Variants in IL31RA observed in about 807,000 individuals in gnomAD.
The protein encoded by IL31RA is interleukin 31 receptor A.
In IL31RA, 66 loss-of-function variants were observed where a neutral mutation model predicts 83.7. The ratio of observed to expected loss-of-function variants is 0.79; its 90% CI spans 0.65 to 0.97. The LOEUF is 0.97. IL31RA is among the 50% of genes least tolerant of loss of function. The pLI is 0.00. For missense variants in IL31RA, 798 were observed against 919.4 expected (o/e 0.87, Z 1.71); for synonymous variants, 325 against 329.0 (o/e 0.99, Z 0.13).
At chr5:55,847,250 A>C (rs1744954603), upstream of IL31RA, among the ~76,000 whole-genome samples, 1 of 89,186 alleles carries the variant, frequency 1.1e-5, no homozygotes, top group African/African-American at 3.3e-5. Flanking sequence ...AATAAAAATA[A>C]ATAAATAAAT....
At chr5:55,891,267 C>T (rs1747971702) in intron 6 of IL31RA, among the ~76,000 whole-genome samples, 1 of 152,204 alleles carries the variant, frequency 6.6e-6, no homozygotes, top group South Asian at 2.1e-4. Flanking sequence ...GAGCCTTGCC[C>T]AGAGTCTGAC....
In IL31RA at chr5:55,917,068, G is replaced by C; in HGVS notation, c.2243G>C (p.Arg748Thr). 6.2e-7 allele frequency: 1 copy of C among 1,614,216 alleles called. No individual in the cohort carries two copies. Among genetic ancestry groups the C allele is most frequent in the Non-Finnish European group, 8.5e-7 (1 of 1,180,050 alleles). The change falls in exon 15 of 15, where the codon AGG becomes ACG. Residue 748 changes from arginine to threonine, a missense_variant. By Grantham distance (71) the Arg-to-Thr change is moderately conservative. Coordinates refer to ENST00000652347, the MANE Select transcript of IL31RA (RefSeq NM_139017.7). ...TATTTGAAAAATTCAGTGACAGCCA[G>C]GGAATTTCTTGTGTCTGAAAAACTT... The part of the protein sequence containing the change: ...NPYLKNSVTA[R>T]EFLVSEKLPE...
chr5:55,895,015 C>T (rs1417576432), intron 6 of IL31RA, among the ~76,000 whole-genome samples: 1 of 152,212 alleles, frequency 6.6e-6, no homozygotes, highest in Non-Finnish European at 1.5e-5. Context: ...CCGTGCCCAG[C>T]CAGTAATTTT....
chr5:55,900,063 A>C lies in IL31RA; in HGVS notation c.1000A>C (p.Met334Leu), dbSNP rs558939244. ...GGGAGGCGAGAGCTTTTGGGTGTCT[A>C]TGATTTCTTATAATTCTCTTGGGAA... Reference protein sequence around the residue: ...HLGGESFWVSMISYNSLGKSP... With the variant: ...HLGGESFWVSLISYNSLGKSP... Residue 334 changes from methionine (M) to leucine (L), a missense_variant, in exon 8 of 15, where the codon ATG becomes CTG. Met to Leu is a conservative substitution (Grantham distance 15). Coordinates refer to ENST00000652347, the MANE Select transcript of IL31RA (RefSeq NM_139017.7). The C allele has an allele frequency of 6.2e-7, 1 of 1,614,132 alleles. No individual in the cohort carries two copies. Among genetic ancestry groups the C allele is most frequent in the South Asian group, 1.1e-5 (1 of 91,082 alleles).
At chr5:55,846,287 A>C in the IL31RA span, among the ~76,000 whole-genome samples, 1 of 152,246 alleles carries the variant, frequency 6.6e-6, no homozygotes, top group Non-Finnish European at 1.5e-5. Context: ...ATGGGGAACC[A>C]GAACCTGGAA....
At chr5:55,908,144 A>C in intron 10 of IL31RA, 121 bp from the exon 11 acceptor site, 1 of 1,380,682 alleles carries the variant, frequency 7.2e-7, no homozygotes. Flanking sequence ...TTCCCTACTC[A>C]ACCCTCACCC....
chr5:55,864,023 G>A (rs1304539370), intron 2 of IL31RA, among the ~76,000 whole-genome samples: 2 of 151,998 alleles, frequency 1.3e-5, no homozygotes, highest in East Asian at 1.9e-4. Context: ...TTCAACCAAC[G>A]CAAGGGAGAG....
intron 13 of IL31RA, among the ~76,000 whole-genome samples, chr5:55,914,253 G>A (rs991753114): frequency 6.6e-6 from 1 of 152,124 alleles, no homozygotes; most frequent in Non-Finnish European, 1.5e-5. Flanking sequence ...ATCAACCTCC[G>A]TTACCAACTG....
chr5:55,874,609 A>G (rs1746722367), intron 4 of IL31RA, among the ~76,000 whole-genome samples: 1 of 152,106 alleles, frequency 6.6e-6, no homozygotes, highest in African/African-American at 2.4e-5. Flanking sequence ...AGTTTATTCC[A>G]AAGTATTTTA....
chr5:55,888,054 A>C (rs1352454650), intron 5 of IL31RA, among the ~76,000 whole-genome samples: 4 of 151,958 alleles, frequency 2.6e-5, no homozygotes, highest in Middle Eastern at 3.4e-3. Context: ...AAAAAAAAAA[A>C]CAAAAAACCA....
At chr5:55,847,285 AAAAAG>A (rs1227213680), upstream of IL31RA, among the ~76,000 whole-genome samples, 1 of 149,046 alleles carries the variant, frequency 6.7e-6, no homozygotes, top group Admixed American at 6.7e-5. Flanking sequence ...ATAAATAAAT[AAAAAG>A]AAAAGAAAAG....
intron 3 of IL31RA, among the ~76,000 whole-genome samples, chr5:55,869,184 C>A (rs1402142890): frequency 6.6e-6 from 1 of 152,196 alleles, no homozygotes; most frequent in Non-Finnish European, 1.5e-5. Context: ...CTACACTCAA[C>A]TATACCCTGC....
At chr5:55,841,850 C>G in the IL31RA span, among the ~76,000 whole-genome samples, 1 of 151,964 alleles carries the variant, frequency 6.6e-6, no homozygotes, top group African/African-American at 2.4e-5. Context: ...TGTATTCTCT[C>G]ACAGTTCTGG....
intron 12 of IL31RA, among the ~76,000 whole-genome samples, 192 bp downstream of exon 12, chr5:55,910,864 T>C (rs1749464586): frequency 6.6e-6 from 1 of 152,162 alleles, no homozygotes; most frequent in African/African-American, 2.4e-5. Context: ...AGCAGGCAAG[T>C]TGAGAGCCGA....
At chr5:55,880,331 A>T (rs140826300) in intron 4 of IL31RA, among the ~76,000 whole-genome samples, 1 of 152,296 alleles carries the variant, frequency 6.6e-6, no homozygotes, top group African/African-American at 2.4e-5. Context: ...CCATGTCTCT[A>T]AGTAGGGATT....
intron 4 of IL31RA, among the ~76,000 whole-genome samples, chr5:55,875,944 T>C (rs1746818397): frequency 6.6e-6 from 1 of 151,954 alleles, no homozygotes; most frequent in Admixed American, 6.6e-5. Context: ...AGTACTAAGA[T>C]TTTTTTTAAT....
intron 4 of IL31RA, among the ~76,000 whole-genome samples, chr5:55,876,896 GT>G (rs1318208970): frequency 6.6e-6 from 1 of 152,110 alleles, no homozygotes; most frequent in East Asian, 1.9e-4. Context: ...TGCCCAGCCA[GT>G]TGGATTTTTT....
intron 2 of IL31RA, among the ~76,000 whole-genome samples, chr5:55,860,796 C>T (rs10471957): frequency 0.6 from 91,204 of 152,050 alleles, 28,603 homozygotes; most frequent in Middle Eastern, 0.71. Flanking sequence ...GTAGCGTATT[C>T]GTGTGCTTGG....
At chr5:55,890,249 A>G in intron 6 of IL31RA, 114 bp downstream of exon 6, 1 of 1,044,636 alleles carries the variant, frequency 9.6e-7, no homozygotes, top group Non-Finnish European at 1.5e-6. Flanking sequence ...TCATGACCCC[A>G]GGGGCCCCCT....
Sources: allele counts gnomAD v4.1 joint callset (sites outside exome capture counted in the v4.1 genomes callset), GRCh38; gene constraint gnomAD v4.1.1; transcripts MANE v1.5; gene names NCBI Gene and HGNC (gene_info 2026-07-23, HGNC 2026-07-21).